The following GPR149 variants were observed in gnomAD, a reference collection of about 807,000 sequenced individuals.
GPR149 encodes probable G protein-coupled receptor 149.
GPR149 carries 50 observed loss-of-function variants against 50.2 expected under a neutral mutation model. The observed-to-expected ratio is 1.00, with a 90% CI of 0.79 to 1.26. The LOEUF is 1.26. Among genes scored for constraint, GPR149 ranks in the 50% most tolerant of loss-of-function variants. GPR149 has a pLI of 0.00. For missense variants in GPR149, 983 were observed against 895.4 expected (o/e 1.10, Z -1.25); for synonymous variants, 405 against 358.2 (o/e 1.13, Z -1.48).
At chr3:154,395,963 A>G (rs1262059293) in intron 3 of GPR149, among the ~76,000 whole-genome samples, 1 of 152,244 alleles carries the variant, frequency 6.6e-6, no homozygotes, top group Non-Finnish European at 1.5e-5. Context: ...ATCAAGAATT[A>G]TAAATATGCT....
intron 3 of GPR149, among the ~76,000 whole-genome samples, chr3:154,365,075 T>C (rs1007123022): frequency 2.6e-4 from 39 of 152,322 alleles, no homozygotes; most frequent in East Asian, 1.2e-3. Context: ...CCTGGCCACC[T>C]GAGACTCTCT....
intron 1 of GPR149, among the ~76,000 whole-genome samples, chr3:154,428,341 C>T (rs1404717209): frequency 4.6e-5 from 7 of 152,150 alleles, no homozygotes; most frequent in Non-Finnish European, 1.0e-4. Context: ...CTGTGTGAGA[C>T]AATATCCTTG....
At chr3:154,405,148 GATAAA>G (rs1408269568) in intron 3 of GPR149, among the ~76,000 whole-genome samples, 1 of 152,094 alleles carries the variant, frequency 6.6e-6, no homozygotes, top group Non-Finnish European at 1.5e-5. Context: ...TTTTGATAAT[GATAAA>G]ATAAATTTAA....
intron 3 of GPR149, among the ~76,000 whole-genome samples, chr3:154,359,357 G>A (rs1331336354): frequency 1.3e-5 from 2 of 152,138 alleles, no homozygotes; most frequent in African/African-American, 4.8e-5. Context: ...ATGCTATTTG[G>A]AAGGTGGAAA....
intron 3 of GPR149, chr3:154,352,198 T>C: frequency 1.1e-6 from 1 of 875,224 alleles, no homozygotes; most frequent in Non-Finnish European, 1.8e-6. Flanking sequence ...CTTCATCTTC[T>C]ACCATCTTGT....
intron 3 of GPR149, chr3:154,352,573 C>A (rs1714106124): frequency 1.3e-6 from 1 of 775,938 alleles, no homozygotes; most frequent in South Asian, 1.3e-5. Context: ...TCTAGGCTTT[C>A]CAGAGTCATG....
At chr3:154,372,934 C>A (rs1336616342) in intron 3 of GPR149, among the ~76,000 whole-genome samples, 1 of 151,984 alleles carries the variant, frequency 6.6e-6, no homozygotes, top group African/African-American at 2.4e-5. Flanking sequence ...ATAATAAATT[C>A]AGTGTTGTAA....
chr3:154,397,347 T>G (rs1240133271), intron 3 of GPR149, among the ~76,000 whole-genome samples: 2 of 152,188 alleles, frequency 1.3e-5, no homozygotes, highest in Non-Finnish European at 2.9e-5. Context: ...GATCAGACTT[T>G]GGTTGTTTTT....
intron 3 of GPR149, among the ~76,000 whole-genome samples, chr3:154,409,077 C>A (rs1304204893): frequency 6.6e-6 from 1 of 152,190 alleles, no homozygotes; most frequent in Non-Finnish European, 1.5e-5. Context: ...CTCCCCAGTA[C>A]CAGACTGAAA....
At chr3:154,415,960 G>C (rs1463216106) in intron 3 of GPR149, among the ~76,000 whole-genome samples, 2 of 151,776 alleles carry the variant, frequency 1.3e-5, no homozygotes, top group Non-Finnish European at 2.9e-5. Context: ...CTATAAATAG[G>C]TTTTAAGTGG....
In GPR149 at chr3:154,352,173, C is replaced by T. The variant is rs113130183; in HGVS notation, c.1624-13902G>A. 1.9e-5 allele frequency: 15 copies of T among 780,092 alleles called. No homozygotes were observed. In the East Asian group the frequency reaches 2.4e-4, roughly 12 times the overall value. 48.3% of individuals were successfully genotyped at this position (780,092 alleles called of 1,614,324 possible). A position where few individuals can be genotyped will look rare whatever the true frequency, so the allele number is the denominator to read the frequency against. On this transcript the variant is annotated intron_variant, in intron 3 of 3. Coordinates refer to ENST00000389740, the MANE Select transcript of GPR149 (RefSeq NM_001038705.3). ...CCATTTGTGGCCCCCACTTCTTGAT[C>T]GAGTTCTATTCCCACTTCATCTTCT... is the stretch of plus-strand genomic sequence containing the variant.
chr3:154,390,041 T>C (rs1455503127), intron 3 of GPR149, among the ~76,000 whole-genome samples: 3 of 152,184 alleles, frequency 2.0e-5, no homozygotes, highest in Non-Finnish European at 4.4e-5. Flanking sequence ...AGATGCCTGA[T>C]GATCAGTGAG....
At chr3:154,386,755 T>C (rs757100944) in intron 3 of GPR149, among the ~76,000 whole-genome samples, 4 of 152,218 alleles carry the variant, frequency 2.6e-5, no homozygotes, top group South Asian at 2.1e-4. Context: ...ACCACTGCGA[T>C]TGAATTCTCA....
chr3:154,375,795 T>C (rs906745983), intron 3 of GPR149, among the ~76,000 whole-genome samples: 18 of 152,264 alleles, frequency 1.2e-4, no homozygotes, highest in Admixed American at 2.0e-4. Flanking sequence ...CAGCAAACAA[T>C]ATTGCTCTCA....
intron 3 of GPR149, among the ~76,000 whole-genome samples, chr3:154,415,806 T>G (rs995333971): frequency 6.6e-6 from 1 of 151,944 alleles, no homozygotes; most frequent in African/African-American, 2.4e-5. Flanking sequence ...CAATAAAGTT[T>G]GTACTTTTAA....
At chr3:154,356,712 C>T (rs554780746) in intron 3 of GPR149, among the ~76,000 whole-genome samples, 9 of 152,262 alleles carry the variant, frequency 5.9e-5, no homozygotes, top group African/African-American at 2.2e-4. Context: ...ACATTCCATG[C>T]TCATGGGTAG....
intron 3 of GPR149, among the ~76,000 whole-genome samples, chr3:154,413,064 A>G (rs866462322): frequency 1.8e-4 from 28 of 152,234 alleles, no homozygotes; most frequent in Admixed American, 6.5e-4. Flanking sequence ...AAGATACCCT[A>G]TTCAACAAAT....
At chr3:154,384,978 G>GTTATTT (rs1715014681) in intron 3 of GPR149, among the ~76,000 whole-genome samples, 1 of 152,154 alleles carries the variant, frequency 6.6e-6, no homozygotes, top group Non-Finnish European at 1.5e-5. Flanking sequence ...TCTCCAAATG[G>GTTATTT]ATATATAAAT....
At chr3:154,423,377 G>C (rs1712199932) in intron 2 of GPR149, among the ~76,000 whole-genome samples, 1 of 151,874 alleles carries the variant, frequency 6.6e-6, no homozygotes, top group Non-Finnish European at 1.5e-5. Flanking sequence ...GCTGTTTTCA[G>C]AATTGGAGTT....
Sources: gnomAD v4.1 joint callset for allele counts (sites outside exome capture counted in the v4.1 genomes callset) on GRCh38, gnomAD v4.1.1 for gene constraint, MANE v1.5 for transcripts, NCBI Gene and HGNC (gene_info 2026-07-23, HGNC 2026-07-21) for gene names.